Variants in HIPK2 observed in about 807,000 individuals in gnomAD.
HIPK2 encodes homeodomain interacting protein kinase 2.
A neutral mutation model predicts 113.7 loss-of-function variants in HIPK2; 27 were observed. That is an observed-to-expected ratio of 0.24 (90% CI 0.17 to 0.33). The LOEUF (loss-of-function observed/expected upper bound fraction) is 0.33, where lower values mean the gene tolerates loss of function less well. HIPK2 is among the 10% of genes least tolerant of loss of function. The pLI, the probability that HIPK2 is intolerant of heterozygous loss-of-function variation, is 1.00. For synonymous variants in HIPK2, 631 were observed against 642.2 expected, an observed-to-expected ratio of 0.98 and a Z score of 0.26; for missense variants, 1,257 against 1,588.0, an observed-to-expected ratio of 0.79 and a Z score of 3.54.
intron 2 of HIPK2, among the ~76,000 whole-genome samples, chr7:139,643,018 C>T (rs1265599331): frequency 2.0e-5 from 3 of 152,168 alleles, no homozygotes; most frequent in East Asian, 1.9e-4. Flanking sequence ...ATGTAATACA[C>T]GTAGAACCAC....
rs76345969 is a variant in HIPK2 at position 139,619,862 on chromosome 7, G to A, written c.1782+539C>T. Among the ~76,000 whole-genome samples the A allele has an allele frequency of 5.8e-3, 887 of 152,296 alleles. 10 individuals carry two copies. The highest frequency in any genetic ancestry group is 0.019 in the African/African-American group (779 of 41,556). ...TGTAGCCCTGAAGTCCTGGGCTCAAGCACTTCTCTCACCTCTGCCTCCTGA... is the reference window on the plus strand; with the variant it reads ...TGTAGCCCTGAAGTCCTGGGCTCAAACACTTCTCTCACCTCTGCCTCCTGA... On this transcript the variant is annotated intron_variant, in intron 7 of 14. Transcript: ENST00000406875.
At chr7:139,638,212 G>T (rs1431748873) in intron 2 of HIPK2, among the ~76,000 whole-genome samples, 1 of 152,180 alleles carries the variant, frequency 6.6e-6, no homozygotes, top group Non-Finnish European at 1.5e-5. Context: ...ACAGCCACCT[G>T]CTGCTCTCTT....
intron 9 of HIPK2, among the ~76,000 whole-genome samples, chr7:139,612,934 G>C (rs1484479466): frequency 6.6e-6 from 1 of 152,084 alleles, no homozygotes; most frequent in Non-Finnish European, 1.5e-5. Context: ...TTAAAACCTA[G>C]GTATCCCAGA....
rs1379839564 is a variant in HIPK2, at chr7:139,630,773, T to C, written c.1347+392A>G. 6.6e-6 allele frequency among the ~76,000 whole-genome samples: 1 copy of C among 152,224 alleles called. No individual in the cohort carries two copies. The highest frequency in any genetic ancestry group is 1.5e-5 in the Non-Finnish European group (1 of 68,044). ...GGCAGAATTAAATGCTCCTTCCTCT[T>C]GGCACCCACACCCATTCTTGACCAG... On this transcript the variant is annotated intron_variant, in intron 4 of 14. Coordinates refer to ENST00000406875, the MANE Select transcript of HIPK2 (RefSeq NM_022740.5). This position sits in a 1 kb window ranked among gnomAD's most constrained non-coding sequence, Gnocchi z 4.0.
In HIPK2 at chr7:139,614,390, G is replaced by A; in HGVS notation, c.1886C>T (p.Ala629Val). The A allele has an allele frequency of 1.3e-6, 2 of 1,580,062 alleles. No individual in the cohort carries two copies. The highest frequency in any genetic ancestry group is 8.6e-7 in the Non-Finnish European group (1 of 1,158,622). The change falls in exon 8 of 15, where the codon GCA (alanine) becomes GTA (valine). Residue 629 changes from alanine to valine, a missense_variant. Ala to Val is a moderately conservative substitution (Grantham distance 64). Transcript: ENST00000406875. Reference sequence around the variant, plus strand: ...CAGGGGCATGCTCCGCTGGGCCACTGCAGCCATGGATGCCGCTGAGGGCTG... The same window carrying A: ...CAGGGGCATGCTCCGCTGGGCCACTACAGCCATGGATGCCGCTGAGGGCTG... ...LYQPSAASMAAVAQRSMPLQT... is the reference protein window; with the variant it reads ...LYQPSAASMAVVAQRSMPLQT...
At chr7:139,694,311 A>G (rs1794501109) in intron 2 of HIPK2, among the ~76,000 whole-genome samples, 1 of 152,208 alleles carries the variant, frequency 6.6e-6, no homozygotes, top group Admixed American at 6.5e-5. Flanking sequence ...GACACCAGAT[A>G]TGTATCAACA....
intron 2 of HIPK2, among the ~76,000 whole-genome samples, chr7:139,679,633 A>T (rs1585370647): frequency 6.6e-6 from 1 of 152,244 alleles, no homozygotes; most frequent in South Asian, 2.1e-4. Context: ...AAGCATTAAA[A>T]TTTTCCAGCC....
Position 139,583,798 on chromosome 7 carries a change from T to C in HIPK2, c.2965+19A>G. 1 of 1,604,590 alleles carries C rather than the reference T, an allele frequency of 6.2e-7. No homozygotes were observed. Among genetic ancestry groups the C allele is most frequent in the Non-Finnish European group, 8.5e-7 (1 of 1,175,316 alleles). ...ACTCTCCAGGGAGAGGTTCCTGCCCTGTCCTGGCCCCAAATTACCTGGCAC... is the reference window on the plus strand; with the variant it reads ...ACTCTCCAGGGAGAGGTTCCTGCCCCGTCCTGGCCCCAAATTACCTGGCAC... On this transcript the variant is annotated intron_variant, in intron 13 of 14. Transcript: ENST00000406875.
intron 2 of HIPK2, among the ~76,000 whole-genome samples, chr7:139,674,405 A>G (rs756445405): frequency 2.6e-5 from 4 of 152,240 alleles, no homozygotes; most frequent in Non-Finnish European, 4.4e-5. Context: ...ACGGTGACTT[A>G]AAGGAGAGCT....
At chr7:139,675,253 T>C (rs758421718) in intron 2 of HIPK2, among the ~76,000 whole-genome samples, 17 of 152,106 alleles carry the variant, frequency 1.1e-4, no homozygotes, top group Non-Finnish European at 1.0e-4. Flanking sequence ...GAGTCCGTTA[T>C]GTTAAAAATA....
At chr7:139,721,876 A>G (rs1795421639) in intron 1 of HIPK2, 1 of 203,050 alleles carries the variant, frequency 4.9e-6, no homozygotes, top group South Asian at 5.8e-5. Context: ...GAATGACCTG[A>G]CCCAGACTTT....
rs576860516 is a variant in HIPK2 at position 139,584,427 on chromosome 7, A to G, written c.2718-363T>C. Among the ~76,000 whole-genome samples, 522 of 152,330 alleles carry G rather than the reference A, an allele frequency of 3.4e-3. 4 individuals carry two copies. Among genetic ancestry groups the G allele is most frequent in the Middle Eastern group, 0.02 (6 of 294 alleles). ...GTACAACCCCCGTGGGCCTGCCAGA[A>G]TGGGACATCTGAGCAAGGAGAGAAC... is the stretch of plus-strand genomic sequence containing the variant. On this transcript the variant is annotated intron_variant, in intron 12 of 14. Transcript: ENST00000406875.
At chr7:139,763,485 C>CG (rs1796504469) in intron 1 of HIPK2, among the ~76,000 whole-genome samples, 1 of 90,546 alleles carries the variant, frequency 1.1e-5, no homozygotes, top group East Asian at 2.7e-4. Context: ...CCCCCCCCCA[C>CG]ACGCCCCTCC....
intron 1 of HIPK2, among the ~76,000 whole-genome samples, chr7:139,756,586 G>C (rs1463832711): frequency 6.6e-6 from 1 of 152,136 alleles, no homozygotes; most frequent in African/African-American, 2.4e-5. Context: ...CACCATGCCT[G>C]GCTAATTTTT....
intron 13 of HIPK2, among the ~76,000 whole-genome samples, chr7:139,582,689 C>T (rs1281701679): frequency 6.6e-6 from 1 of 152,260 alleles, no homozygotes; most frequent in Non-Finnish European, 1.5e-5. Flanking sequence ...GCGGGGAGCG[C>T]AAGCCTGTGG....
chr7:139,766,363 T>A (rs926548897), intron 1 of HIPK2, among the ~76,000 whole-genome samples: 2 of 152,256 alleles, frequency 1.3e-5, no homozygotes, highest in African/African-American at 4.8e-5. Context: ...GAATATTTGA[T>A]ATGTTTTGCT....
chr7:139,728,809 T>C (rs1462141292), intron 1 of HIPK2, among the ~76,000 whole-genome samples: 3 of 152,246 alleles, frequency 2.0e-5, no homozygotes, highest in Non-Finnish European at 2.9e-5. Flanking sequence ...TTTCCCTTCT[T>C]GGAGATAAGA....
At chr7:139,767,940 C>G (rs564394964) in intron 1 of HIPK2, among the ~76,000 whole-genome samples, 1 of 152,340 alleles carries the variant, frequency 6.6e-6, no homozygotes, top group East Asian at 1.9e-4. Context: ...GCTGAGCACC[C>G]ACCCTCTTCT....
chr7:139,646,499 TAAA>T (rs57503855), intron 2 of HIPK2, among the ~76,000 whole-genome samples: 49 of 119,894 alleles, frequency 4.1e-4, no homozygotes, highest in Non-Finnish European at 5.0e-4. Context: ...GACCTTGTCT[TAAA>T]AAAAAAAAAA....
Sources: allele counts gnomAD v4.1 joint callset (sites outside exome capture counted in the v4.1 genomes callset), GRCh38; gene constraint gnomAD v4.1.1; non-coding constraint Gnocchi (gnomAD v3.1); transcripts MANE v1.5; gene names NCBI Gene and HGNC (gene_info 2026-07-23, HGNC 2026-07-21).